TNRC6C: variants seen among roughly 807,000 people sequenced by gnomAD.
TNRC6C encodes the protein trinucleotide repeat containing adaptor 6C, also known as trinucleotide repeat-containing gene 6C protein.
A neutral mutation model predicts 153.7 loss-of-function variants in TNRC6C; 20 were observed. That is an observed-to-expected ratio of 0.13 (90% CI 0.09 to 0.19). The LOEUF (loss-of-function observed/expected upper bound fraction) is 0.19, where lower values mean the gene tolerates loss of function less well. Among genes scored for constraint, TNRC6C ranks in the 10% least tolerant of loss-of-function variants. TNRC6C has a pLI of 1.00. For synonymous variants in TNRC6C, 811 were observed against 841.4 expected (o/e 0.96, Z 0.63); for missense variants, 1,987 against 2,172.0 (o/e 0.91, Z 1.69).
At chr17:78,038,874 A>T (rs780101222) in intron 2 of TNRC6C, among the ~76,000 whole-genome samples, 5 of 152,054 alleles carry the variant, frequency 3.3e-5, no homozygotes, top group Non-Finnish European at 7.4e-5. Flanking sequence ...ATATTAACTC[A>T]TTTAATCTTC....
At chr17:78,068,824 T>C (rs2072933495) in intron 5 of TNRC6C, among the ~76,000 whole-genome samples, 1 of 151,686 alleles carries the variant, frequency 6.6e-6, no homozygotes, top group Admixed American at 6.6e-5. Context: ...AAATGTGCGG[T>C]CATCTAGAAA....
Position 77,966,445 on chromosome 17 carries a change from A to T in TNRC6C, c.-38+7177A>T, listed in dbSNP as rs537425208. 1.7e-4 allele frequency among the ~76,000 whole-genome samples: 26 copies of T among 152,372 alleles called. No homozygotes were observed. In the East Asian group the frequency reaches 5.0e-3, roughly 29 times the overall value. On this transcript the variant is annotated intron_variant, in intron 1 of 22. Coordinates refer to the TNRC6C transcript ENST00000636222. ...AAAGCTGTTACAAAGAATCAGCAGG[A>T]TAAAATAATACAAAATGATTGACGT...
intron 3 of TNRC6C, among the ~76,000 whole-genome samples, chr17:78,056,820 G>GA (rs1370495828): frequency 7.4e-6 from 1 of 135,950 alleles, no homozygotes; most frequent in African/African-American, 2.7e-5. Flanking sequence ...TTCATGCTGA[G>GA]AAAGGCATTC....
At chr17:77,978,118 C>T (rs1354948387) in intron 1 of TNRC6C, among the ~76,000 whole-genome samples, 1 of 151,908 alleles carries the variant, frequency 6.6e-6, no homozygotes, top group Non-Finnish European at 1.5e-5. Flanking sequence ...AGGATGGTCT[C>T]GATCTCCTGA....
intron 4 of TNRC6C, 144 bp downstream of exon 6, chr17:78,065,081 C>T (rs1421520567): frequency 1.0e-6 from 1 of 975,710 alleles, no homozygotes; most frequent in Non-Finnish European, 1.5e-6. Flanking sequence ...AAGCACAGTG[C>T]CTCACACCTA....
At position 78,049,527 on chromosome 17, in the gene TNRC6C, G is replaced by A. The variant is rs371469493; in HGVS notation, c.465G>A (p.Leu155=). 6.2e-7 allele frequency: 1 copy of A among 1,614,030 alleles called. No homozygotes were observed. Among genetic ancestry groups the A allele is most frequent in the East Asian group, 2.2e-5 (1 of 44,890 alleles). Residue 155 remains leucine, a synonymous_variant, in exon 3 of 20, where the codon CTG becomes CTA. Coordinates refer to ENST00000301624, the Ensembl canonical transcript of TNRC6C. This position sits in a 1 kb window ranked among gnomAD's most constrained non-coding sequence, Gnocchi z 4.1. ...CTTTAGGTGCTTGGGGAAACTTGCT[G>A]CCACAAGAGAGCACAGAACCACAAA...
At chr17:77,985,717 T>A (rs1000223264) in intron 1 of TNRC6C, among the ~76,000 whole-genome samples, 6 of 152,204 alleles carry the variant, frequency 3.9e-5, no homozygotes, top group Non-Finnish European at 7.3e-5. Context: ...CCTACTTGGA[T>A]GGATAGTCTC....
chr17:78,014,897 G>C (rs1036223733), intron 1 of TNRC6C, among the ~76,000 whole-genome samples: 1 of 151,766 alleles, frequency 6.6e-6, no homozygotes, highest in Non-Finnish European at 1.5e-5. Context: ...TGGACCCTCC[G>C]TACTCAGAGC....
In TNRC6C at chr17:78,079,843, C is replaced by T. The variant is rs556882886; in HGVS notation, c.3357+302C>T. Reference sequence around the variant, plus strand: ...GGGGGAAGGACCTGCCCAACACACTCCCATTGATGTGCTTTTGTCCCAGTC... The same window carrying T: ...GGGGGAAGGACCTGCCCAACACACTTCCATTGATGTGCTTTTGTCCCAGTC... On this transcript the variant is annotated intron_variant, in intron 10 of 19. Transcript: ENST00000301624. This position sits in a 1 kb window ranked among gnomAD's most constrained non-coding sequence, Gnocchi z 4.3. Among the ~76,000 whole-genome samples, 1 of 152,224 alleles carries T rather than the reference C, an allele frequency of 6.6e-6. No individual in the cohort carries two copies. The highest frequency in any genetic ancestry group is 2.4e-5 in the African/African-American group (1 of 41,544).
intron 2 of TNRC6C, among the ~76,000 whole-genome samples, chr17:78,038,674 G>A (rs1375919112): frequency 6.9e-4 from 94 of 135,590 alleles, no homozygotes; most frequent in African/African-American, 2.5e-3. Flanking sequence ...GCGAGACTCC[G>A]TGTCAAAAAA....
rs561687663 is a variant in TNRC6C, at chr17:78,099,710, C to T, written c.4501+1173C>T. Among the ~76,000 whole-genome samples, 8 of 152,322 alleles carry T rather than the reference C, an allele frequency of 5.3e-5. No homozygotes were observed. The East Asian group carries it at 1.3e-3, about 26-fold the overall frequency. ...AACCATATCATTCTGCCCCTGACCC[C>T]TCCCAAATCTCATGTCCTCACATTT... On this transcript the variant is annotated intron_variant, in intron 17 of 19. Coordinates refer to ENST00000301624, the Ensembl canonical transcript of TNRC6C.
chr17:78,086,477 A>G (rs758701916), intron 11 of TNRC6C, 26 bp from the exon 14 acceptor site: 3 of 1,602,440 alleles, frequency 1.9e-6, no homozygotes, highest in Non-Finnish European at 1.7e-6. Flanking sequence ...TTATCATACT[A>G]TTTTAACTCT....
chr17:78,081,067 T>G (rs1366194314), intron 10 of TNRC6C, among the ~76,000 whole-genome samples: 1 of 152,188 alleles, frequency 6.6e-6, no homozygotes, highest in Non-Finnish European at 1.5e-5. Flanking sequence ...AAGATCAAGG[T>G]GCCAGAAGAT....
Position 78,104,961 on chromosome 17 carries a change from A to T in TNRC6C, c.*116A>T. The T allele has an allele frequency of 7.7e-7, 1 of 1,299,376 alleles. No homozygotes were observed. 80.5% of individuals were successfully genotyped at this position (1,299,376 alleles called of 1,614,324 possible). On this transcript the variant is annotated 3_prime_UTR_variant, in exon 20 of 20. Transcript: ENST00000301624. This position sits in a 1 kb window ranked among gnomAD's most constrained non-coding sequence, Gnocchi z 6.2. ...GCCGCCCTTTTGAGTACCTCTGTCC[A>T]GGACTGAAGACGAACCTTGGCCGCA... is the stretch of plus-strand genomic sequence containing the variant.
rs549455685 is a variant in TNRC6C at position 78,010,258 on chromosome 17, T to C, written c.-546+5179T>C. On this transcript the variant is annotated intron_variant, in intron 1 of 19. Transcript: ENST00000301624. ...TGCAGTGAGGTATTAAACTTTACCA[T>C]GCGTTCAGTTTGTAATTGGTAAACA... 2.7e-4 allele frequency among the ~76,000 whole-genome samples: 41 copies of C among 152,346 alleles called. 2 individuals carry two copies. The South Asian group carries it at 8.5e-3, about 32-fold the overall frequency.
At chr17:78,103,277 C>G (rs140250007) in intron 18 of TNRC6C, 137 bp from the exon 22 acceptor site, 10,788 of 1,037,744 alleles carry the variant, frequency 0.01, 93 homozygotes, top group South Asian at 0.022. Context: ...TGTTGTAAAA[C>G]CACATATTAT....
At chr17:78,053,695 G>A (rs1472096955) in intron 3 of TNRC6C, among the ~76,000 whole-genome samples, 5 of 152,026 alleles carry the variant, frequency 3.3e-5, no homozygotes, top group Non-Finnish European at 7.4e-5. Flanking sequence ...AGTGGGACAG[G>A]CTAGTAATAT....
In TNRC6C at chr17:78,009,623, C is replaced by T. The variant is rs541956672; in HGVS notation, c.-546+4544C>T. On this transcript the variant is annotated intron_variant, in intron 1 of 19. Transcript: ENST00000301624. ...AGGCTGGAATGCAGTGGTGCAATCT[C>T]GGCTCACTGGAACCTCTGCCTCCCA... 5.9e-5 allele frequency among the ~76,000 whole-genome samples: 9 copies of T among 152,038 alleles called. No individual in the cohort carries two copies. The South Asian group carries it at 1.4e-3, about 24-fold the overall frequency.
chr17:78,021,573 TA>T (rs201925366), intron 1 of TNRC6C, among the ~76,000 whole-genome samples: 142 of 152,254 alleles, frequency 9.3e-4, no homozygotes, highest in African/African-American at 3.3e-3. Flanking sequence ...TTTATTTTTT[TA>T]TTTTTATTTT....
Sources: allele counts gnomAD v4.1 joint callset (sites outside exome capture counted in the v4.1 genomes callset), GRCh38; gene constraint gnomAD v4.1.1; non-coding constraint Gnocchi (gnomAD v3.1); transcripts MANE v1.5; gene names NCBI Gene and HGNC (gene_info 2026-07-23, HGNC 2026-07-21).